The following LRMDA variants were observed in gnomAD, a reference collection of about 807,000 sequenced individuals.
The protein encoded by LRMDA is leucine rich melanocyte differentiation associated.
Under a neutral mutation model 29.8 loss-of-function variants are expected in LRMDA, and 18 were observed. That is an observed-to-expected ratio of 0.60 (90% CI 0.42 to 0.90). LRMDA has a LOEUF of 0.90. Among genes scored for constraint, LRMDA ranks in the 40% least tolerant of loss-of-function variants. The pLI is 0.00. For missense variants in LRMDA, 273 were observed against 273.9 expected, an observed-to-expected ratio of 1.00 and a Z score of 0.02; for synonymous variants, 125 against 109.4, an observed-to-expected ratio of 1.14 and a Z score of -0.89.
chr10:75,533,145 C>A (rs1490915109), intron 2 of LRMDA, among the ~76,000 whole-genome samples: 3 of 152,168 alleles, frequency 2.0e-5, no homozygotes. Context: ...AGAGAAGTCA[C>A]CTGCAGAGCT....
chr10:76,074,988 C>T (rs770552380), intron 5 of LRMDA, among the ~76,000 whole-genome samples: 2 of 152,108 alleles, frequency 1.3e-5, no homozygotes, highest in Non-Finnish European at 2.9e-5. Flanking sequence ...CTGGGTTCAG[C>T]CCATGGATGG....
At chr10:75,585,146 G>A (rs533283018) in intron 2 of LRMDA, among the ~76,000 whole-genome samples, 6 of 152,258 alleles carry the variant, frequency 3.9e-5, no homozygotes, top group East Asian at 1.9e-4. Flanking sequence ...CCCAGTCACC[G>A]CTTGTACCCT....
intron 5 of LRMDA, among the ~76,000 whole-genome samples, chr10:76,316,891 A>G (rs1840706745): frequency 6.6e-6 from 1 of 152,200 alleles, no homozygotes; most frequent in Non-Finnish European, 1.5e-5. Flanking sequence ...AAAACTACCC[A>G]TGCTATTAGT....
chr10:76,133,944 C>T (rs771766820), intron 5 of LRMDA, among the ~76,000 whole-genome samples: 4 of 152,186 alleles, frequency 2.6e-5, no homozygotes, highest in Non-Finnish European at 4.4e-5. Context: ...GCTGTTGCCT[C>T]AGAACTGTCT....
chr10:76,117,392 T>G (rs2132120494), intron 5 of LRMDA, among the ~76,000 whole-genome samples: 1 of 152,118 alleles, frequency 6.6e-6, no homozygotes, highest in South Asian at 2.1e-4. Flanking sequence ...TGGGACAAAC[T>G]GGGAGATCTA....
At chr10:76,074,201 C>A (rs2132072210) in intron 5 of LRMDA, among the ~76,000 whole-genome samples, 1 of 152,284 alleles carries the variant, frequency 6.6e-6, no homozygotes, top group East Asian at 1.9e-4. Flanking sequence ...GAAAGCAAAT[C>A]AAACTAAATA....
At chr10:76,083,529 A>C (rs1357237844) in intron 5 of LRMDA, among the ~76,000 whole-genome samples, 1 of 152,192 alleles carries the variant, frequency 6.6e-6, no homozygotes, top group Non-Finnish European at 1.5e-5. Flanking sequence ...ACATAGGTAT[A>C]AAATAAAGTC....
chr10:76,329,125 T>A (rs1195036376), intron 6 of LRMDA, among the ~76,000 whole-genome samples: 1 of 152,226 alleles, frequency 6.6e-6, no homozygotes, highest in South Asian at 2.1e-4. Context: ...TCCATCTCTC[T>A]AGATTTCCAA....
chr10:76,063,411 AC>A (rs1848734154), intron 5 of LRMDA, among the ~76,000 whole-genome samples: 1 of 152,168 alleles, frequency 6.6e-6, no homozygotes, highest in African/African-American at 2.4e-5. Flanking sequence ...GTATGTGTAC[AC>A]CAGAGTCAGC....
intron 6 of LRMDA, among the ~76,000 whole-genome samples, chr10:76,368,291 G>A (rs1344471009): frequency 1.3e-5 from 2 of 152,050 alleles, no homozygotes; most frequent in Non-Finnish European, 2.9e-5. Flanking sequence ...GGTTTCAATA[G>A]GTTGTGTCAC....
At position 75,674,219 on chromosome 10, in the gene LRMDA, C is replaced by G. The variant is rs1032873620; in HGVS notation, c.131+235725C>G. On this transcript the variant is annotated intron_variant, in intron 2 of 6. Transcript: ENST00000611255. ...AAGACATTTATTTCATTTGATTAAG[C>G]CATTAGAAAAGATTAGAGGTGTCTT... 2.0e-5 allele frequency among the ~76,000 whole-genome samples: 3 copies of G among 152,098 alleles called. No homozygotes were observed. In the East Asian group the frequency reaches 5.8e-4, roughly 29 times the overall value.
intron 2 of LRMDA, among the ~76,000 whole-genome samples, chr10:75,618,380 C>A (rs1047307073): frequency 0.054 from 2,961 of 54,760 alleles, 71 homozygotes; most frequent in African/African-American, 0.13. Context: ...CTCTCTCTCT[C>A]TCTATATATA....
At chr10:75,486,617 A>G (rs1372307955) in intron 2 of LRMDA, among the ~76,000 whole-genome samples, 2 of 152,092 alleles carry the variant, frequency 1.3e-5, no homozygotes, top group African/African-American at 2.4e-5. Context: ...GTTAGGAGCT[A>G]GAGAATTTGT....
intron 2 of LRMDA, among the ~76,000 whole-genome samples, chr10:76,025,089 C>T (rs1031683453): frequency 1.3e-5 from 2 of 151,982 alleles, no homozygotes; most frequent in African/African-American, 4.8e-5. Context: ...ATCCCGAGGC[C>T]ACAGGCTCCA....
At chr10:76,425,344 ATTTTTTTTCT>A (rs1017214236) in intron 6 of LRMDA, among the ~76,000 whole-genome samples, 7 of 151,420 alleles carry the variant, frequency 4.6e-5, no homozygotes, top group East Asian at 1.9e-4. Context: ...GACAACCTTA[ATTTTTTTTCT>A]TTTTTTTTCT....
chr10:76,181,225 C>T (rs1228320946), intron 5 of LRMDA, among the ~76,000 whole-genome samples: 1 of 152,204 alleles, frequency 6.6e-6, no homozygotes, highest in Non-Finnish European at 1.5e-5. Context: ...TGACCTCTTC[C>T]AGGCTGATGA....
chr10:75,717,214 G>A (rs888326504), intron 2 of LRMDA, among the ~76,000 whole-genome samples: 1 of 152,194 alleles, frequency 6.6e-6, no homozygotes, highest in Non-Finnish European at 1.5e-5. Flanking sequence ...GCCTTGGGGA[G>A]TCCCCCCCAG....
At chr10:76,094,697 G>A (rs1182706196) in intron 5 of LRMDA, among the ~76,000 whole-genome samples, 2 of 152,108 alleles carry the variant, frequency 1.3e-5, no homozygotes, top group African/African-American at 4.8e-5. Context: ...TTAAAGGAAA[G>A]TAACATTCCC....
intron 2 of LRMDA, among the ~76,000 whole-genome samples, chr10:75,640,281 C>T (rs941690305): frequency 6.6e-6 from 1 of 152,112 alleles, no homozygotes; most frequent in African/African-American, 2.4e-5. Flanking sequence ...ATGCTGCTTC[C>T]CCCCATTAGG....
Sources: gnomAD v4.1 joint callset for allele counts (sites outside exome capture counted in the v4.1 genomes callset) on GRCh38, gnomAD v4.1.1 for gene constraint, MANE v1.5 for transcripts, NCBI Gene and HGNC (gene_info 2026-07-23, HGNC 2026-07-21) for gene names.